The following GDF15 variants were observed in gnomAD, a reference collection of about 807,000 sequenced individuals.
GDF15 encodes growth/differentiation factor 15.
A neutral mutation model predicts 8.9 loss-of-function variants in GDF15; 10 were observed. That is an observed-to-expected ratio of 1.12 (90% CI 0.69 to 1.90). The LOEUF (loss-of-function observed/expected upper bound fraction) is 1.90, where lower values mean the gene tolerates loss of function less well. Among genes scored for constraint, GDF15 ranks in the 40% most tolerant of loss-of-function variants. The pLI is 0.00. For synonymous variants in GDF15, 228 were observed against 210.6 expected (o/e 1.08, Z -0.72); for missense variants, 452 against 434.2 (o/e 1.04, Z -0.36).
chr19:18,386,175 G>C lies in GDF15; in HGVS notation c.-15G>C. ...ATCTGGTCAGTCCCAGCTCAGAGCCGCAACCTGCACAGCCATGCCCGGGCA... is the reference window on the plus strand; with the variant it reads ...ATCTGGTCAGTCCCAGCTCAGAGCCCCAACCTGCACAGCCATGCCCGGGCA... On this transcript the variant is annotated 5_prime_UTR_variant, in exon 1 of 2. Transcript: ENST00000252809. The C allele has an allele frequency of 6.2e-7, 1 of 1,606,084 alleles. No individual in the cohort carries two copies. The highest frequency in any genetic ancestry group is 8.5e-7 in the Non-Finnish European group (1 of 1,175,616).
Position 18,386,406 on chromosome 19 carries a change from T to A in GDF15, c.217T>A (p.Trp73Arg). The part of the protein sequence containing the change: ...LLTRLRANQS[W>R]EDSNTDLVPA... ...AACCAGGCTGCGGGCCAACCAGAGCTGGGAAGATTCGAACACCGACCTCGT... is the reference window on the plus strand; with the variant it reads ...AACCAGGCTGCGGGCCAACCAGAGCAGGGAAGATTCGAACACCGACCTCGT... The change falls in exon 1 of 2, where the codon TGG becomes AGG. Residue 73 changes from tryptophan to arginine, a missense_variant. Coordinates refer to ENST00000252809, the MANE Select transcript of GDF15 (RefSeq NM_004864.4). The A allele has an allele frequency of 6.2e-7, 1 of 1,613,794 alleles. No homozygotes were observed. Among genetic ancestry groups the A allele is most frequent in the South Asian group, 1.1e-5 (1 of 91,082 alleles).
chr19:18,388,905 C>A lies in GDF15; in HGVS notation c.897C>A (p.Asp299Glu). 6.2e-7 allele frequency: 1 copy of A among 1,609,650 alleles called. No individual in the cohort carries two copies. ...GGGTGTCGCTCCAGACCTATGATGA[C>A]TTGTTAGCCAAAGACTGCCACTGCA... ...DTGVSLQTYD[D>E]LLAKDCHCI The change falls in exon 2 of 2, where the codon GAC becomes GAA. Residue 299 changes from aspartate to glutamate, a missense_variant. Transcript: ENST00000252809. This position sits in a 1 kb window ranked among gnomAD's most constrained non-coding sequence, Gnocchi z 4.2.
intron 1 of GDF15, chr19:18,386,717 C>A (rs879582737): frequency 1.1e-5 from 6 of 547,740 alleles, no homozygotes; most frequent in Non-Finnish European, 2.0e-5. Context: ...ATGCCAGGGA[C>A]CCTCCTGAAT....
rs1235775027 is a variant in GDF15, at chr19:18,388,605, CG to C, written c.601del (p.Asp201ThrfsTer37). ...GGCGCCGCAGAGCGCGTGCGCGCAACGGGGACCACTGTCCGCTCGGGCCCGG... is the reference window on the plus strand; with the variant it reads ...GGCGCCGCAGAGCGCGTGCGCGCAACGGGACCACTGTCCGCTCGGGCCCGG... ...RGRRRARARN[G>X]DHCPLGPGRC... On this transcript the variant is annotated frameshift_variant, in exon 2 of 2. Coordinates refer to ENST00000252809, the MANE Select transcript of GDF15 (RefSeq NM_004864.4). LOFTEE classifies it low-confidence loss of function (END_TRUNC). This position sits in a 1 kb window ranked among gnomAD's most constrained non-coding sequence, Gnocchi z 4.2. The C allele has an allele frequency of 6.3e-7, 1 of 1,599,754 alleles. No homozygotes were observed. Among genetic ancestry groups the C allele is most frequent in the African/African-American group, 1.3e-5 (1 of 74,450 alleles).
At chr19:18,386,682 C>A in intron 1 of GDF15, 1 of 581,016 alleles carries the variant, frequency 1.7e-6, no homozygotes, top group Non-Finnish European at 3.1e-6. Flanking sequence ...CCCCAAGTTG[C>A]AAATGGGGAA....
chr19:18,386,271 G>T lies in GDF15; in HGVS notation c.82G>T (p.Gly28Cys). Reference sequence around the variant, plus strand: ...GGTGCTCTCGTGGCTGCCGCATGGGGGCGCCCTGTCTCTGGCCGAGGCGAG... The same window carrying T: ...GGTGCTCTCGTGGCTGCCGCATGGGTGCGCCCTGTCTCTGGCCGAGGCGAG... ...LLVLSWLPHGGALSLAEASRA... is the reference protein window; with the variant it reads ...LLVLSWLPHGCALSLAEASRA... The change falls in exon 1 of 2, where the codon GGC (glycine) becomes TGC (cysteine). Residue 28 changes from glycine (G) to cysteine (C), a missense_variant. By Grantham distance (159) the Gly-to-Cys change is radical (BLOSUM62 -3). Coordinates refer to ENST00000252809, the MANE Select transcript of GDF15 (RefSeq NM_004864.4). 6.2e-7 allele frequency: 1 copy of T among 1,614,002 alleles called. No homozygotes were observed. Among genetic ancestry groups the T allele is most frequent in the Non-Finnish European group, 8.5e-7 (1 of 1,180,028 alleles).
At position 18,388,384 on chromosome 19, in the gene GDF15, C is replaced by A. The variant is rs1971855716; in HGVS notation, c.376C>A (p.Arg126=). 2 of 1,611,668 alleles carry A rather than the reference C, an allele frequency of 1.2e-6. No individual in the cohort carries two copies. Among genetic ancestry groups the A allele is most frequent in the African/African-American group, 1.3e-5 (1 of 75,052 alleles). Residue 126 remains arginine, a synonymous_variant, in exon 2 of 2, where the codon CGG becomes AGG. Transcript: ENST00000252809. This position sits in a 1 kb window ranked among gnomAD's most constrained non-coding sequence, Gnocchi z 4.2. The part of the protein sequence containing the change: ...EASRLHRALF[R]LSPTASRSWD... ...CTCCCGCCTTCACCGGGCTCTGTTCCGGCTGTCCCCGACGGCGTCAAGGTC... is the reference window on the plus strand; with the variant it reads ...CTCCCGCCTTCACCGGGCTCTGTTCAGGCTGTCCCCGACGGCGTCAAGGTC...
chr19:18,387,944 C>A (rs1314264773), intron 1 of GDF15, among the ~76,000 whole-genome samples: 1 of 151,200 alleles, frequency 6.6e-6, no homozygotes, highest in Non-Finnish European at 1.5e-5. Flanking sequence ...GCCTCAGCCT[C>A]CCGAGTAGCT....
At chr19:18,386,550 A>G (rs971784733) in intron 1 of GDF15, 84 bp downstream of exon 1, 5 of 1,213,460 alleles carry the variant, frequency 4.1e-6, no homozygotes, top group Admixed American at 2.1e-5. Flanking sequence ...AAAAGCCCAG[A>G]CCTACCTTTG....
rs1971827777 is a variant in GDF15, at chr19:18,386,303, AAGTTTCC to A, written c.115_121del (p.Ser39ArgfsTer24). On this transcript the variant is annotated frameshift_variant, in exon 1 of 2. Coordinates refer to ENST00000252809, the MANE Select transcript of GDF15 (RefSeq NM_004864.4). LOFTEE classifies it high-confidence loss of function. ...TGTCTCTGGCCGAGGCGAGCCGCGC[AAGTTTCC>A]CGGGACCCTCAGAGTTGCACTCCGA... 1 of 1,613,986 alleles carries A rather than the reference AAGTTTCC, an allele frequency of 6.2e-7. No individual in the cohort carries two copies. The highest frequency in any genetic ancestry group is 1.3e-5 in the African/African-American group (1 of 74,918).
At position 18,388,903 on chromosome 19, in the gene GDF15, G is replaced by A. The variant is rs758727175; in HGVS notation, c.895G>A (p.Asp299Asn). The change falls in exon 2 of 2, where the codon GAC (aspartate) becomes AAC (asparagine). Residue 299 changes from aspartate (D) to asparagine (N), a missense_variant. Asp to Asn is a conservative substitution (Grantham distance 23, BLOSUM62 1). Transcript: ENST00000252809. The surrounding 1 kb of genome is among the most constrained non-coding windows in gnomAD (Gnocchi z 4.2). ...DTGVSLQTYD[D>N]LLAKDCHCI ...CGGGGTGTCGCTCCAGACCTATGAT[G>A]ACTTGTTAGCCAAAGACTGCCACTG... 2 of 1,610,058 alleles carry A rather than the reference G, an allele frequency of 1.2e-6. No homozygotes were observed. Among genetic ancestry groups the A allele is most frequent in the Non-Finnish European group, 1.7e-6 (2 of 1,179,378 alleles).
chr19:18,388,914 CA>C lies in GDF15; in HGVS notation c.909del (p.Asp304ThrfsTer34). On this transcript the variant is annotated frameshift_variant, in exon 2 of 2. Coordinates refer to ENST00000252809, the MANE Select transcript of GDF15 (RefSeq NM_004864.4). LOFTEE classifies it high-confidence loss of function. The surrounding 1 kb of genome is among the most constrained non-coding windows in gnomAD (Gnocchi z 4.2). ...SLQTYDDLLAKDCHCI is the reference protein window; with the variant it reads ...SLQTYDDLLAXDCHCI The stretch of plus-strand genomic sequence containing the variant: ...TCCAGACCTATGATGACTTGTTAGC[CA>C]AAGACTGCCACTGCATATGAGCAGT... 1 of 1,607,642 alleles carries C rather than the reference CA, an allele frequency of 6.2e-7. No homozygotes were observed.
rs1403138782 is a variant in GDF15, at chr19:18,388,933, T to G, written c.925T>G (p.Ter309GlyextTer41). ...DLLAKDCHCI[*>G] is the part of the protein sequence containing the mutation. Reference sequence around the variant, plus strand: ...GTTAGCCAAAGACTGCCACTGCATATGAGCAGTCCTGGTCCTTCCACTGTG... The same window carrying G: ...GTTAGCCAAAGACTGCCACTGCATAGGAGCAGTCCTGGTCCTTCCACTGTG... The change falls in exon 2 of 2, where the codon TGA becomes GGA. Residue 309 changes from the stop codon to glycine, a stop_lost. Transcript: ENST00000252809. The surrounding 1 kb of genome is among the most constrained non-coding windows in gnomAD (Gnocchi z 4.2). 3 of 1,598,634 alleles carry G rather than the reference T, an allele frequency of 1.9e-6. No individual in the cohort carries two copies. The highest frequency in any genetic ancestry group is 1.7e-6 in the Non-Finnish European group (2 of 1,173,006).
Position 18,388,228 on chromosome 19 carries a change from C to G in GDF15, c.278-58C>G. ...GCGTGTTAGGGGAAATGGGCACCCT[C>G]GTTCCTGGAAAACGGTAGGCCTGTG... On this transcript the variant is annotated intron_variant, in intron 1 of 1. Transcript: ENST00000252809. The surrounding 1 kb of genome is among the most constrained non-coding windows in gnomAD (Gnocchi z 4.2). The G allele has an allele frequency of 6.6e-7, 1 of 1,514,612 alleles. No homozygotes were observed. The allele number at this position is 1,514,612 out of a possible 1,614,324, so 93.8% of individuals were successfully genotyped here.
At position 18,388,503 on chromosome 19, in the gene GDF15, G is replaced by T. The variant is rs1171704885; in HGVS notation, c.495G>T (p.Gln165His). The change falls in exon 2 of 2, where the codon CAG becomes CAT. Residue 165 changes from glutamine to histidine, a missense_variant. Gln to His is a conservative substitution (Grantham distance 24). Transcript: ENST00000252809. The surrounding 1 kb of genome is among the most constrained non-coding windows in gnomAD (Gnocchi z 4.2). ...TGCGACTGTCGCCGCCGCCGTCGCA[G>T]TCGGACCAACTGCTGGCAGAATCTT... ...LHLRLSPPPS[Q>H]SDQLLAESSS... 4 of 1,603,478 alleles carry T rather than the reference G, an allele frequency of 2.5e-6. No homozygotes were observed. The highest frequency in any genetic ancestry group is 3.4e-6 in the Non-Finnish European group (4 of 1,177,322).
Position 18,388,280 on chromosome 19 carries a change from C to T in GDF15, c.278-6C>T, listed in dbSNP as rs762557942. 6.2e-7 allele frequency: 1 copy of T among 1,610,142 alleles called. No homozygotes were observed. The highest frequency in any genetic ancestry group is 8.5e-7 in the Non-Finnish European group (1 of 1,179,332). On this transcript the variant is annotated splice_region_variant and splice_polypyrimidine_tract_variant and intron_variant, in intron 1 of 1. Coordinates refer to ENST00000252809, the MANE Select transcript of GDF15 (RefSeq NM_004864.4). The surrounding 1 kb of genome is among the most constrained non-coding windows in gnomAD (Gnocchi z 4.2). The stretch of plus-strand genomic sequence containing the variant: ...GTGACCAGCTTCCCTATCTGTCTTC[C>T]CACAGTGCGGCTGGGATCCGGCGGC...
At chr19:18,387,436 G>A (rs3787023) in intron 1 of GDF15, among the ~76,000 whole-genome samples, 80,623 of 151,860 alleles carry the variant, frequency 0.53, 21,542 homozygotes, top group East Asian at 0.65. Flanking sequence ...AGGCTGAGGC[G>A]GGAGGAGCAC....
At chr19:18,387,879 T>A (rs1971849616) in intron 1 of GDF15, among the ~76,000 whole-genome samples, 1 of 136,308 alleles carries the variant, frequency 7.3e-6, no homozygotes, top group African/African-American at 2.8e-5. Flanking sequence ...TGGAGTGCAG[T>A]GGCACGATCT....
Position 18,388,795 on chromosome 19 carries a change from C to A in GDF15, c.787C>A (p.Arg263Ser), listed in dbSNP as rs1971866458. The change falls in exon 2 of 2, where the codon CGC (arginine) becomes AGC (serine). Residue 263 changes from arginine to serine, a missense_variant. Physicochemically the swap from Arg to Ser is moderately radical, Grantham distance 110. Coordinates refer to ENST00000252809, the MANE Select transcript of GDF15 (RefSeq NM_004864.4). This position sits in a 1 kb window ranked among gnomAD's most constrained non-coding sequence, Gnocchi z 4.2. ...MHAQIKTSLH[R>S]LKPDTVPAPC... ...CGCGCAGATCAAGACGAGCCTGCAC[C>A]GCCTGAAGCCCGACACGGTGCCAGC... 2 of 1,611,716 alleles carry A rather than the reference C, an allele frequency of 1.2e-6. No homozygotes were observed. Among genetic ancestry groups the A allele is most frequent in the African/African-American group, 1.3e-5 (1 of 75,068 alleles).
Sources: allele counts gnomAD v4.1 joint callset (sites outside exome capture counted in the v4.1 genomes callset), GRCh38; gene constraint gnomAD v4.1.1; non-coding constraint Gnocchi (gnomAD v3.1); transcripts MANE v1.5; gene names NCBI Gene and HGNC (gene_info 2026-07-23, HGNC 2026-07-21).